The following ARPC2 variants were observed in gnomAD, a reference collection of about 807,000 sequenced individuals.
ARPC2 encodes actin related protein 2/3 complex subunit 2.
A neutral mutation model predicts 38.6 loss-of-function variants in ARPC2; 4 were observed. The ratio of observed to expected loss-of-function variants is 0.10; its 90% CI spans 0.05 to 0.24. The LOEUF (loss-of-function observed/expected upper bound fraction) is 0.24, where lower values mean the gene tolerates loss of function less well. Among genes scored for constraint, ARPC2 ranks in the 10% least tolerant of loss-of-function variants. ARPC2 has a pLI of 1.00. For synonymous variants in ARPC2, 125 were observed against 140.8 expected, an observed-to-expected ratio of 0.89 and a Z score of 0.79; for missense variants, 229 against 387.3, an observed-to-expected ratio of 0.59 and a Z score of 3.43.
chr2:218,249,401 C>T lies in ARPC2; in HGVS notation c.714C>T (p.Asp238=), dbSNP rs377464218. 46 of 1,613,522 alleles carry T rather than the reference C, an allele frequency of 2.9e-5. No homozygotes were observed. The highest frequency in any genetic ancestry group is 1.0e-4 in the Admixed American group (6 of 59,848). The stretch of plus-strand genomic sequence containing the variant: ...GTCACACCAATGCCAGTGCTCGAGA[C>T]AACACCATCAACCTGATCCACACGT... ...FPRHTNASAR[D]NTINLIHTFR... The change falls in exon 9 of 11, where the codon GAC becomes GAT. Residue 238 remains aspartate, a synonymous_variant. Coordinates refer to ENST00000315717, the MANE Select transcript of ARPC2 (RefSeq NM_152862.3).
chr2:218,228,684 G>C (rs1689564328), intron 3 of ARPC2, 54 bp from the exon 4 acceptor site: 2 of 1,140,858 alleles, frequency 1.8e-6, no homozygotes, highest in Non-Finnish European at 2.6e-6. Flanking sequence ...GGCGCTTGGA[G>C]AGATTATTTC....
chr2:218,219,324 T>G (rs1203560390), intron 2 of ARPC2, among the ~76,000 whole-genome samples: 3 of 152,080 alleles, frequency 2.0e-5, no homozygotes, highest in South Asian at 2.1e-4. Flanking sequence ...AAATAGGCCC[T>G]CAAGTCTGGA....
intron 9 of ARPC2, 65 bp downstream of exon 9, chr2:218,249,529 CAG>C: frequency 1.6e-6 from 2 of 1,279,836 alleles, no homozygotes; most frequent in Non-Finnish European, 2.2e-6. Context: ...GAACTCCTGA[CAG>C]AAAGTCATTC....
intron 10 of ARPC2, among the ~76,000 whole-genome samples, chr2:218,250,575 A>G (rs1690162284): frequency 6.6e-6 from 1 of 151,744 alleles, no homozygotes; most frequent in African/African-American, 2.4e-5. Flanking sequence ...TGAGGCAGAG[A>G]ATTGCTTGAG....
chr2:218,243,039 G>T (rs1023304199), intron 7 of ARPC2, among the ~76,000 whole-genome samples: 3 of 152,158 alleles, frequency 2.0e-5, no homozygotes, highest in Non-Finnish European at 4.4e-5. Flanking sequence ...CTACTCGAAG[G>T]TTATAAAGAA....
intron 4 of ARPC2, among the ~76,000 whole-genome samples, chr2:218,231,835 G>A (rs1274025509): frequency 6.6e-6 from 1 of 152,244 alleles, no homozygotes; most frequent in Non-Finnish European, 1.5e-5. Flanking sequence ...CAGGCGTGGG[G>A]GCTCATTCCT....
intron 10 of ARPC2, chr2:218,252,953 T>C (rs900604683): frequency 1.3e-5 from 6 of 456,710 alleles, no homozygotes; most frequent in Non-Finnish European, 2.6e-5. Context: ...AGCTTCTCTT[T>C]GGCAGAGTTG....
At position 218,219,882 on chromosome 2, in the gene ARPC2, T is replaced by C. The variant is rs1689345040; in HGVS notation, c.74+2338T>C. ...TGATATTGTGCCTGGTAGGCAGGGC[T>C]CTCCTGGGATTACAGATGTATCACC... On this transcript the variant is annotated intron_variant, in intron 2 of 10. Transcript: ENST00000315717. Among the ~76,000 whole-genome samples the C allele has an allele frequency of 2.0e-5, 3 of 151,968 alleles. No individual in the cohort carries two copies. The South Asian group carries it at 6.2e-4, about 32-fold the overall frequency.
At chr2:218,234,126 G>A (rs546521654) in intron 4 of ARPC2, 56 of 362,968 alleles carry the variant, frequency 1.5e-4, no homozygotes, top group African/African-American at 1.1e-3. Context: ...CCGAGATCGC[G>A]CCATTGCACT....
intron 4 of ARPC2, among the ~76,000 whole-genome samples, chr2:218,231,398 T>C (rs1689630045): frequency 6.6e-6 from 1 of 152,180 alleles, no homozygotes; most frequent in Non-Finnish European, 1.5e-5. Context: ...TTAGTAAGCT[T>C]GAAATTAAAC....
At chr2:218,246,353 C>T (rs1445350053) in intron 8 of ARPC2, among the ~76,000 whole-genome samples, 1 of 151,652 alleles carries the variant, frequency 6.6e-6, no homozygotes, top group Admixed American at 6.6e-5. Flanking sequence ...TGAAACACTC[C>T]GTCTCTACCA....
At chr2:218,250,511 A>G (rs1418930589) in intron 10 of ARPC2, among the ~76,000 whole-genome samples, 5 of 152,044 alleles carry the variant, frequency 3.3e-5, no homozygotes, top group East Asian at 3.9e-4. Context: ...AAAATACAAA[A>G]AAAATTAGCC....
chr2:218,234,646 CTCTTACTTAA>C, intron 5 of ARPC2: 2 of 535,312 alleles, frequency 3.7e-6, no homozygotes, highest in Middle Eastern at 1.0e-3. Context: ...GGCCACATGA[CTCTTACTTAA>C]TCTTTCAGCC....
intron 2 of ARPC2, among the ~76,000 whole-genome samples, chr2:218,218,242 C>T (rs1292680405): frequency 6.6e-6 from 1 of 152,196 alleles, no homozygotes; most frequent in Non-Finnish European, 1.5e-5. Flanking sequence ...CACCCACTAG[C>T]CTTTATCTGG....
chr2:218,230,084 C>T (rs1177907854), intron 4 of ARPC2, among the ~76,000 whole-genome samples: 1 of 151,830 alleles, frequency 6.6e-6, no homozygotes, highest in Admixed American at 6.6e-5. Context: ...AGTTCATCTG[C>T]CTCAGCCTCC....
At chr2:218,250,427 G>A (rs1045905406) in intron 10 of ARPC2, among the ~76,000 whole-genome samples, 4 of 152,136 alleles carry the variant, frequency 2.6e-5, no homozygotes, top group African/African-American at 9.7e-5. Context: ...ACTTTGGGAG[G>A]CTGAGATGGG....
intron 2 of ARPC2, among the ~76,000 whole-genome samples, chr2:218,222,054 G>C (rs1250808358): frequency 1.3e-5 from 2 of 152,166 alleles, no homozygotes; most frequent in African/African-American, 4.8e-5. Flanking sequence ...GATCACTTGA[G>C]GTCAGGAGTT....
chr2:218,226,190 G>C (rs372046141), intron 3 of ARPC2, among the ~76,000 whole-genome samples: 26 of 152,168 alleles, frequency 1.7e-4, no homozygotes, highest in East Asian at 9.7e-4. Context: ...CTACTCGGAA[G>C]GCTGAGGCAG....
chr2:218,224,981 G>A (rs1689463695), intron 2 of ARPC2, among the ~76,000 whole-genome samples: 1 of 152,154 alleles, frequency 6.6e-6, no homozygotes, highest in African/African-American at 2.4e-5. Flanking sequence ...AAATAAATGT[G>A]AAAACATGCG....
Sources: allele counts gnomAD v4.1 joint callset (sites outside exome capture counted in the v4.1 genomes callset), GRCh38; gene constraint gnomAD v4.1.1; transcripts MANE v1.5; gene names NCBI Gene and HGNC (gene_info 2026-07-23, HGNC 2026-07-21).